Variants in CCDC170 observed in about 807,000 individuals in gnomAD.
CCDC170 encodes the protein coiled-coil domain-containing protein 170.
In CCDC170, 69 loss-of-function variants were observed where a neutral mutation model predicts 72.6. The observed-to-expected ratio is 0.95, with a 90% CI of 0.78 to 1.16. The LOEUF (loss-of-function observed/expected upper bound fraction) is 1.16, where lower values mean the gene tolerates loss of function less well. Among genes scored for constraint, CCDC170 ranks in the 50% most tolerant of loss-of-function variants. CCDC170 has a pLI of 0.00. For synonymous variants in CCDC170, 300 were observed against 303.9 expected, an observed-to-expected ratio of 0.99 and a Z score of 0.13; for missense variants, 852 against 832.5, an observed-to-expected ratio of 1.02 and a Z score of -0.29.
chr6:151,501,552 C>T (rs1459423321), intron 1 of CCDC170, among the ~76,000 whole-genome samples: 1 of 152,184 alleles, frequency 6.6e-6, no homozygotes, highest in Admixed American at 6.5e-5. Flanking sequence ...TCCGTTTACA[C>T]ATCCAACTTC....
intron 6 of CCDC170, among the ~76,000 whole-genome samples, chr6:151,583,869 G>A (rs1776413618): frequency 6.6e-6 from 1 of 152,210 alleles, no homozygotes; most frequent in Non-Finnish European, 1.5e-5. Flanking sequence ...AGGAAGTGGG[G>A]TCAGCCAGTT....
chr6:151,605,706 T>C (rs575061044), intron 9 of CCDC170, among the ~76,000 whole-genome samples: 57 of 152,232 alleles, frequency 3.7e-4, no homozygotes, highest in African/African-American at 1.3e-3. Flanking sequence ...GGAGGGGCAT[T>C]GTGGCTATGG....
chr6:151,535,938 A>G (rs1782569356), intron 1 of CCDC170, among the ~76,000 whole-genome samples: 1 of 152,050 alleles, frequency 6.6e-6, no homozygotes, highest in Non-Finnish European at 1.5e-5. Context: ...TTCTTTTTGT[A>G]GAGATAGGGT....
chr6:151,615,756 C>A, intron 10 of CCDC170, 77 bp downstream of exon 10: 2 of 1,044,224 alleles, frequency 1.9e-6, no homozygotes, highest in South Asian at 1.4e-5. Flanking sequence ...AATACTTATT[C>A]ATGCATTTCT....
At chr6:151,597,633 T>C (rs968563404) in intron 9 of CCDC170, among the ~76,000 whole-genome samples, 4 of 152,156 alleles carry the variant, frequency 2.6e-5, no homozygotes, top group Non-Finnish European at 4.4e-5. Flanking sequence ...CCAAGTCCAG[T>C]GGAGAAGGTC....
At position 151,620,300 on chromosome 6, in the gene CCDC170, G is replaced by C. The variant is rs1160144892; in HGVS notation, c.*2153G>C. The C allele has an allele frequency of 6.6e-6, 1 of 152,192 alleles. No homozygotes were observed. Among genetic ancestry groups the C allele is most frequent in the Non-Finnish European group, 1.5e-5 (1 of 68,052 alleles). The allele number at this position is 152,192 out of a possible 1,614,324, so 9.4% of individuals were successfully genotyped here. On this transcript the variant is annotated 3_prime_UTR_variant, in exon 11 of 11. Coordinates refer to ENST00000239374, the MANE Select transcript of CCDC170 (RefSeq NM_025059.4). ...GGATGACAGACCACACAGAGGGAGA[G>C]TGACCAGGCTTTGCTTGTGGAGCGG... is the stretch of plus-strand genomic sequence containing the variant.
chr6:151,603,638 G>A (rs1390666248), intron 9 of CCDC170, among the ~76,000 whole-genome samples: 1 of 152,170 alleles, frequency 6.6e-6, no homozygotes, highest in African/African-American at 2.4e-5. Context: ...GATATCAGTG[G>A]CTTAGAGAGG....
intron 7 of CCDC170, among the ~76,000 whole-genome samples, chr6:151,588,965 A>G (rs1226952389): frequency 6.6e-6 from 1 of 151,880 alleles, no homozygotes; most frequent in African/African-American, 2.4e-5. Flanking sequence ...ACAAAAAACC[A>G]AAAACAGGCC....
chr6:151,536,168 G>C, intron 1 of CCDC170, 150 bp from the exon 2 acceptor site: 1 of 849,248 alleles, frequency 1.2e-6, no homozygotes. Flanking sequence ...AGAACCAAAT[G>C]GTCTGAACAT....
At chr6:151,537,599 A>G (rs968367782) in intron 2 of CCDC170, among the ~76,000 whole-genome samples, 1 of 152,108 alleles carries the variant, frequency 6.6e-6, no homozygotes, top group Non-Finnish European at 1.5e-5. Flanking sequence ...AATCCAGGAG[A>G]TAAGTGTGAG....
At chr6:151,547,894 C>T (rs73783055) in intron 4 of CCDC170, among the ~76,000 whole-genome samples, 3,729 of 152,274 alleles carry the variant, frequency 0.024, 143 homozygotes, top group African/African-American at 0.081. Flanking sequence ...TTTTAAAAAG[C>T]ATGGCCGTGT....
chr6:151,595,053 A>G (rs1043919552), intron 8 of CCDC170, among the ~76,000 whole-genome samples: 5 of 152,206 alleles, frequency 3.3e-5, no homozygotes, highest in Admixed American at 2.0e-4. Context: ...CACAGCTGTC[A>G]CTGTTAGGCA....
At chr6:151,616,160 C>T (rs563375772) in intron 10 of CCDC170, among the ~76,000 whole-genome samples, 2 of 152,062 alleles carry the variant, frequency 1.3e-5, no homozygotes, top group Non-Finnish European at 2.9e-5. Flanking sequence ...GAGCTCTTAA[C>T]GTTAACCAGG....
At chr6:151,544,432 T>A in intron 3 of CCDC170, 140 bp from the exon 4 acceptor site, 1 of 833,908 alleles carries the variant, frequency 1.2e-6, no homozygotes, top group Non-Finnish European at 1.8e-6. Flanking sequence ...TCTGTGACAA[T>A]AATTTGCTCT....
At chr6:151,598,626 A>G (rs1391213994) in intron 9 of CCDC170, among the ~76,000 whole-genome samples, 1 of 152,172 alleles carries the variant, frequency 6.6e-6, no homozygotes, top group Non-Finnish European at 1.5e-5. Flanking sequence ...GGGCAGCATG[A>G]GGGCCAGAAT....
intron 7 of CCDC170, among the ~76,000 whole-genome samples, chr6:151,589,703 G>A (rs544636424): frequency 1.5e-4 from 23 of 152,240 alleles, no homozygotes; most frequent in African/African-American, 5.5e-4. Context: ...CTGCCAGGGA[G>A]GTCTTAATGA....
intron 8 of CCDC170, among the ~76,000 whole-genome samples, chr6:151,594,784 T>TG (rs1776596026): frequency 6.6e-6 from 1 of 152,046 alleles, no homozygotes; most frequent in Non-Finnish European, 1.5e-5. Context: ...CCCAAGTATC[T>TG]GGGATTACAG....
chr6:151,534,048 G>A (rs1050454934), intron 1 of CCDC170, among the ~76,000 whole-genome samples: 13 of 149,454 alleles, frequency 8.7e-5, no homozygotes, highest in African/African-American at 2.0e-4. Context: ...TTCTTTTCTC[G>A]TTCATTCATT....
intron 6 of CCDC170, among the ~76,000 whole-genome samples, chr6:151,575,317 C>T (rs1423730542): frequency 6.6e-6 from 1 of 150,684 alleles, no homozygotes; most frequent in Non-Finnish European, 1.5e-5. Context: ...TTGCATTTGT[C>T]AATTTCCTTT....
Sources: allele counts gnomAD v4.1 joint callset (sites outside exome capture counted in the v4.1 genomes callset), GRCh38; gene constraint gnomAD v4.1.1; transcripts MANE v1.5; gene names NCBI Gene and HGNC (gene_info 2026-07-23, HGNC 2026-07-21).